ERBB4: variants seen among roughly 807,000 people sequenced by gnomAD.
ERBB4 encodes the protein erb-b2 receptor tyrosine kinase 4, also known as receptor tyrosine-protein kinase erbB-4.
In ERBB4, 42 loss-of-function variants were observed where a neutral mutation model predicts 158.0. That is an observed-to-expected ratio of 0.27 (90% CI 0.21 to 0.34). ERBB4 has a LOEUF of 0.34. Among genes scored for constraint, ERBB4 ranks in the 10% least tolerant of loss-of-function variants. The probability of loss-of-function intolerance (pLI) is 1.00; values close to 1 mark genes in which losing one functional copy is unlikely to be tolerated. For missense variants in ERBB4, 1,333 were observed against 1,624.1 expected, an observed-to-expected ratio of 0.82 and a Z score of 3.08; for synonymous variants, 583 against 558.7, an observed-to-expected ratio of 1.04 and a Z score of -0.61.
At chr2:211,824,419 G>A (rs756478407) in intron 3 of ERBB4, among the ~76,000 whole-genome samples, 1 of 151,934 alleles carries the variant, frequency 6.6e-6, no homozygotes, top group Non-Finnish European at 1.5e-5. Flanking sequence ...ATTCAGGCAA[G>A]CAAAGTTCCA....
At chr2:211,922,080 T>A (rs2079871789) in intron 3 of ERBB4, among the ~76,000 whole-genome samples, 1 of 152,054 alleles carries the variant, frequency 6.6e-6, no homozygotes, top group Non-Finnish European at 1.5e-5. Context: ...AAACTTAGAC[T>A]AACATCATCT....
chr2:211,636,116 T>A (rs6722280), intron 16 of ERBB4, among the ~76,000 whole-genome samples: 3,973 of 151,168 alleles, frequency 0.026, 158 homozygotes, highest in African/African-American at 0.087. Context: ...TGTGTTTTTT[T>A]AAAAAAAAAG....
chr2:211,864,894 C>T (rs1213275245), intron 3 of ERBB4, among the ~76,000 whole-genome samples: 1 of 151,990 alleles, frequency 6.6e-6, no homozygotes, highest in Non-Finnish European at 1.5e-5. Flanking sequence ...GCCTGTAATC[C>T]CATCTACTTG....
intron 12 of ERBB4, among the ~76,000 whole-genome samples, chr2:211,693,539 A>G (rs2072899414): frequency 6.6e-6 from 1 of 152,302 alleles, no homozygotes; most frequent in Non-Finnish European, 1.5e-5. Flanking sequence ...AGGAATTGTT[A>G]GGATCACATG....
At chr2:211,849,112 C>G (rs1468858300) in intron 3 of ERBB4, among the ~76,000 whole-genome samples, 2 of 151,890 alleles carry the variant, frequency 1.3e-5, no homozygotes, top group African/African-American at 4.8e-5. Context: ...CCAATAAGTA[C>G]AGTGTTTTTT....
intron 20 of ERBB4, among the ~76,000 whole-genome samples, chr2:211,446,118 G>A (rs4673618): frequency 0.3 from 45,350 of 152,072 alleles, 8,177 homozygotes; most frequent in Middle Eastern, 0.43. Flanking sequence ...GAAAGATGGG[G>A]TAGAGTGAAT....
intron 1 of ERBB4, among the ~76,000 whole-genome samples, chr2:212,388,046 G>A (rs1182748072): frequency 6.6e-6 from 1 of 151,958 alleles, no homozygotes; most frequent in Non-Finnish European, 1.5e-5. Flanking sequence ...ATACCTTCTT[G>A]AATATGCCGT....
At chr2:211,821,557 C>A (rs535750369) in intron 3 of ERBB4, among the ~76,000 whole-genome samples, 2 of 151,810 alleles carry the variant, frequency 1.3e-5, no homozygotes, top group East Asian at 1.9e-4. Flanking sequence ...GCTAAACAGA[C>A]AAAACAATCC....
At chr2:212,321,455 A>G (rs2087564182) in intron 1 of ERBB4, among the ~76,000 whole-genome samples, 1 of 150,574 alleles carries the variant, frequency 6.6e-6, no homozygotes, top group Non-Finnish European at 1.5e-5. Flanking sequence ...CGTCATGCCT[A>G]TAATACTGGC....
intron 22 of ERBB4, among the ~76,000 whole-genome samples, chr2:211,424,547 G>A (rs555785500): frequency 5.1e-4 from 78 of 152,102 alleles, no homozygotes; most frequent in Non-Finnish European, 8.1e-4. Context: ...AATTTACAGT[G>A]GATGTCAGCA....
chr2:212,346,859 T>A (rs17347397), intron 1 of ERBB4, among the ~76,000 whole-genome samples: 1 of 152,016 alleles, frequency 6.6e-6, no homozygotes, highest in Non-Finnish European at 1.5e-5. Context: ...TTAATAGACC[T>A]CAAAATGACT....
At chr2:212,447,745 T>C (rs2092383451) in intron 1 of ERBB4, among the ~76,000 whole-genome samples, 1 of 151,406 alleles carries the variant, frequency 6.6e-6, no homozygotes, top group Admixed American at 6.6e-5. Flanking sequence ...ACTTACATAG[T>C]ACACTAAAAT....
intron 1 of ERBB4, among the ~76,000 whole-genome samples, chr2:212,457,369 C>T (rs1225952414): frequency 3.9e-5 from 6 of 152,050 alleles, no homozygotes; most frequent in African/African-American, 1.2e-4. Flanking sequence ...ACCATCTACA[C>T]TATCTTTCAG....
At chr2:211,389,286 C>T (rs112835934) in intron 25 of ERBB4, among the ~76,000 whole-genome samples, 6,177 of 152,208 alleles carry the variant, frequency 0.041, 295 homozygotes, top group African/African-American at 0.11. Context: ...CCGCCTGCCT[C>T]GGCCTCTCAA....
intron 3 of ERBB4, among the ~76,000 whole-genome samples, chr2:211,839,829 C>T (rs564253578): frequency 2.6e-5 from 4 of 152,050 alleles, no homozygotes; most frequent in Non-Finnish European, 5.9e-5. Context: ...AGTGTGCACT[C>T]CTATGTACAA....
chr2:211,923,599 T>A (rs1343826452), intron 3 of ERBB4, among the ~76,000 whole-genome samples: 6 of 152,036 alleles, frequency 3.9e-5, no homozygotes, highest in Non-Finnish European at 2.9e-5. Flanking sequence ...ATGAAAAGGT[T>A]CAAGTAGAGG....
intron 25 of ERBB4, among the ~76,000 whole-genome samples, chr2:211,393,491 C>G (rs2062846632): frequency 1.3e-5 from 2 of 152,166 alleles, no homozygotes; most frequent in African/African-American, 4.8e-5. Flanking sequence ...TCTATTCTTA[C>G]TCATCTTTGC....
chr2:211,588,563 G>T (rs2068361679), intron 19 of ERBB4, among the ~76,000 whole-genome samples: 1 of 151,746 alleles, frequency 6.6e-6, no homozygotes, highest in Admixed American at 6.6e-5. Flanking sequence ...TTTATATTTT[G>T]ACTCATCTAA....
chr2:212,263,651 A>G (rs1574549425), intron 1 of ERBB4, among the ~76,000 whole-genome samples: 1 of 152,050 alleles, frequency 6.6e-6, no homozygotes, highest in Admixed American at 6.6e-5. Context: ...CTGTATTAAT[A>G]CATTATAATA....
Sources: gnomAD v4.1 joint callset for allele counts (sites outside exome capture counted in the v4.1 genomes callset) on GRCh38, gnomAD v4.1.1 for gene constraint, MANE v1.5 for transcripts, NCBI Gene and HGNC (gene_info 2026-07-23, HGNC 2026-07-21) for gene names.